The following ADAMTS18 variants were observed in gnomAD, a reference collection of about 807,000 sequenced individuals.
ADAMTS18 encodes A disintegrin and metalloproteinase with thrombospondin motifs 18.
ADAMTS18 carries 157 observed loss-of-function variants against 165.9 expected under a neutral mutation model. The ratio of observed to expected loss-of-function variants is 0.95; its 90% CI spans 0.83 to 1.08. The LOEUF is 1.08. ADAMTS18 is among the 50% of genes least tolerant of loss of function. The pLI is 0.00. For synonymous variants in ADAMTS18, 782 were observed against 578.2 expected, an observed-to-expected ratio of 1.35 and a Z score of -5.06; for missense variants, 2,040 against 1,534.0, an observed-to-expected ratio of 1.33 and a Z score of -5.51.
intron 4 of ADAMTS18, among the ~76,000 whole-genome samples, chr16:77,365,685 G>A (rs901313370): frequency 1.6e-4 from 24 of 151,520 alleles, no homozygotes; most frequent in African/African-American, 5.9e-4. Flanking sequence ...GCATTCCTGG[G>A]AAGAAAAATG....
At chr16:77,333,310 T>C (rs2144665820) in intron 12 of ADAMTS18, among the ~76,000 whole-genome samples, 1 of 151,902 alleles carries the variant, frequency 6.6e-6, no homozygotes, top group Non-Finnish European at 1.5e-5. Context: ...TGTCGCATGG[T>C]GGGGAGCAAG....
At chr16:77,291,802 T>TAC (rs2055369751) in intron 20 of ADAMTS18, among the ~76,000 whole-genome samples, 1 of 152,158 alleles carries the variant, frequency 6.6e-6, no homozygotes, top group Non-Finnish European at 1.5e-5. Flanking sequence ...CAAAAGAATT[T>TAC]CCAGGTTTAG....
chr16:77,334,614 A>ATATAGTATATATACTATAGTATATAGTG (rs1471355266), intron 12 of ADAMTS18, among the ~76,000 whole-genome samples: 8 of 110,468 alleles, frequency 7.2e-5, no homozygotes, highest in African/African-American at 2.3e-4. Context: ...CTACTATAGT[A>ATATAGTATATATACTATAGTATATAGTG]TATAGTATAT....
chr16:77,338,748 C>G (rs954696853), intron 11 of ADAMTS18, among the ~76,000 whole-genome samples: 36 of 151,548 alleles, frequency 2.4e-4, no homozygotes, highest in African/African-American at 8.2e-4. Flanking sequence ...GGTCAGGAGA[C>G]CGAGAGCATC....
intron 21 of ADAMTS18, chr16:77,290,836 G>A (rs1285710178): frequency 1.2e-5 from 3 of 246,340 alleles, no homozygotes; most frequent in Non-Finnish European, 2.4e-5. Context: ...ACTTAGCACC[G>A]TGCATAGTAA....
At chr16:77,362,540 G>C (rs928062931) in intron 6 of ADAMTS18, among the ~76,000 whole-genome samples, 1 of 152,094 alleles carries the variant, frequency 6.6e-6, no homozygotes, top group African/African-American at 2.4e-5. Flanking sequence ...ATCTTACCTA[G>C]TACTACCTTT....
chr16:77,302,348 T>A (rs990861380), intron 16 of ADAMTS18, among the ~76,000 whole-genome samples: 3 of 152,310 alleles, frequency 2.0e-5, no homozygotes, highest in Non-Finnish European at 2.9e-5. Flanking sequence ...GCCTTTTTTT[T>A]ATGCAACAAA....
chr16:77,303,546 C>G (rs1296519760), intron 16 of ADAMTS18, among the ~76,000 whole-genome samples: 1 of 152,142 alleles, frequency 6.6e-6, no homozygotes, highest in East Asian at 1.9e-4. Context: ...TTTATCCTCT[C>G]TCATATCTTA....
intron 9 of ADAMTS18, 69 bp downstream of exon 9, chr16:77,355,871 C>G: frequency 6.3e-7 from 1 of 1,584,224 alleles, no homozygotes. Flanking sequence ...TATTCGTTTG[C>G]AGGTCTATGG....
chr16:77,341,360 T>A (rs1451713814), intron 11 of ADAMTS18, among the ~76,000 whole-genome samples: 1 of 152,106 alleles, frequency 6.6e-6, no homozygotes, highest in African/African-American at 2.4e-5. Context: ...ATTTCTTGAC[T>A]AACAAGACAT....
chr16:77,329,400 G>C (rs921341111), intron 12 of ADAMTS18, among the ~76,000 whole-genome samples: 1 of 152,100 alleles, frequency 6.6e-6, no homozygotes, highest in Non-Finnish European at 1.5e-5. Flanking sequence ...ATCAAACATG[G>C]CCAGACCCTG....
At chr16:77,360,616 C>G (rs1397005062) in intron 7 of ADAMTS18, among the ~76,000 whole-genome samples, 1 of 152,182 alleles carries the variant, frequency 6.6e-6, no homozygotes, top group Non-Finnish European at 1.5e-5. Context: ...TCACTTTGCA[C>G]ATTCCAAATT....
At chr16:77,371,077 T>C (rs1252721256) in intron 3 of ADAMTS18, among the ~76,000 whole-genome samples, 2 of 151,992 alleles carry the variant, frequency 1.3e-5, no homozygotes, top group Admixed American at 6.6e-5. Context: ...TAGCCAGGTG[T>C]GGTGGTGCAT....
rs937911589 is a variant in ADAMTS18 at position 77,282,313 on chromosome 16, A to G, written c.*1643T>C. ...TAATAAATTAATTTTCCATAAAATA[A>G]TAAAATGATAATTATATAAAGAAAT... On this transcript the variant is annotated 3_prime_UTR_variant, in exon 23 of 23. Coordinates refer to ENST00000282849, the MANE Select transcript of ADAMTS18 (RefSeq NM_199355.4). 3.9e-5 allele frequency: 6 copies of G among 152,150 alleles called. No individual in the cohort carries two copies. Among genetic ancestry groups the G allele is most frequent in the Non-Finnish European group, 8.8e-5 (6 of 68,020 alleles). The allele number at this position is 152,150 out of a possible 1,614,324, so 9.4% of individuals were successfully genotyped here.
At chr16:77,293,460 T>C (rs2055407505) in intron 19 of ADAMTS18, among the ~76,000 whole-genome samples, 1 of 152,006 alleles carries the variant, frequency 6.6e-6, no homozygotes, top group Admixed American at 6.6e-5. Flanking sequence ...TTTGAATTCT[T>C]TCTGTAAATT....
chr16:77,333,583 A>C (rs1277004256), intron 12 of ADAMTS18, among the ~76,000 whole-genome samples: 1 of 151,734 alleles, frequency 6.6e-6, no homozygotes, highest in Non-Finnish European at 1.5e-5. Flanking sequence ...TCCCAAAAAA[A>C]TCCCAAAAGG....
At chr16:77,331,846 G>T (rs2056194508) in intron 12 of ADAMTS18, among the ~76,000 whole-genome samples, 1 of 152,184 alleles carries the variant, frequency 6.6e-6, no homozygotes. Context: ...CACCTAACAC[G>T]TGATGGGCAA....
chr16:77,290,791 G>A (rs533153764), intron 21 of ADAMTS18: 1 of 169,220 alleles, frequency 5.9e-6, no homozygotes, highest in South Asian at 1.5e-4. Context: ...CTGACATTCT[G>A]AGCTTTAGGG....
chr16:77,383,546 T>TTTC (rs1555522628), intron 3 of ADAMTS18, among the ~76,000 whole-genome samples: 2 of 151,410 alleles, frequency 1.3e-5, no homozygotes, highest in African/African-American at 4.9e-5. Context: ...CGACCTCTTT[T>TTTC]TTGTTGTTGT....
Sources: gnomAD v4.1 joint callset for allele counts (sites outside exome capture counted in the v4.1 genomes callset) on GRCh38, gnomAD v4.1.1 for gene constraint, MANE v1.5 for transcripts, NCBI Gene and HGNC (gene_info 2026-07-23, HGNC 2026-07-21) for gene names.